The following TASP1 variants were observed in gnomAD, a reference collection of about 807,000 sequenced individuals.
The protein encoded by TASP1 is threonine aspartase 1.
Under a neutral mutation model 56.6 loss-of-function variants are expected in TASP1, and 16 were observed. The ratio of observed to expected loss-of-function variants is 0.28; its 90% CI spans 0.19 to 0.43. The LOEUF is 0.43. Among genes scored for constraint, TASP1 ranks in the 20% least tolerant of loss-of-function variants. TASP1 has a pLI of 1.00. For synonymous variants in TASP1, 179 were observed against 184.2 expected (o/e 0.97, Z 0.23); for missense variants, 393 against 511.6 (o/e 0.77, Z 2.24).
In TASP1 at chr20:13,528,433, C is replaced by G. The variant is rs35595639; in HGVS notation, c.874G>C (p.Gly292Arg). The G allele has an allele frequency of 6.2e-7, 1 of 1,606,198 alleles. No homozygotes were observed. The highest frequency in any genetic ancestry group is 1.1e-5 in the South Asian group (1 of 89,606). ...NPYSTAVSTS[G>R]CGEHLVRTIL... ...AAATGGTTATGAAAGCAGCAAATAC[C>G]TGAGGTACTCACAGCTGTGGAGTAG... Residue 292 changes from glycine to arginine, a missense_variant and splice_region_variant, in exon 10 of 14, where the codon GGA (glycine) becomes CGA (arginine). Gly to Arg is a moderately radical substitution (Grantham distance 125). Around this residue, in one of 3 missense-constraint regions of TASP1, gnomAD observed 293 missense variants for 354.2 expected, o/e 0.83. Coordinates refer to ENST00000337743, the MANE Select transcript of TASP1 (RefSeq NM_017714.3).
At chr20:13,453,005 G>A (rs1442921593) in intron 11 of TASP1, among the ~76,000 whole-genome samples, 1 of 152,086 alleles carries the variant, frequency 6.6e-6, no homozygotes, top group African/African-American at 2.4e-5. Flanking sequence ...TGGGAAAAGA[G>A]CCAACTGGGT....
At chr20:13,392,309 A>G (rs1388943932) in intron 13 of TASP1, among the ~76,000 whole-genome samples, 2 of 152,174 alleles carry the variant, frequency 1.3e-5, no homozygotes, top group Non-Finnish European at 2.9e-5. Flanking sequence ...TCTCTCTGTG[A>G]TACCATGTCT....
intron 13 of TASP1, among the ~76,000 whole-genome samples, chr20:13,403,655 C>T (rs1404760685): frequency 1.3e-5 from 2 of 152,204 alleles, no homozygotes; most frequent in Non-Finnish European, 2.9e-5. Context: ...CCCATGCTGT[C>T]AATCATTACA....
At chr20:13,553,583 C>T (rs2046053788) in intron 8 of TASP1, among the ~76,000 whole-genome samples, 1 of 152,044 alleles carries the variant, frequency 6.6e-6, no homozygotes, top group African/African-American at 2.4e-5. Flanking sequence ...ACAAAGATGC[C>T]AATTACCAAG....
intron 5 of TASP1, among the ~76,000 whole-genome samples, chr20:13,581,240 G>C (rs183172871): frequency 6.4e-4 from 98 of 152,192 alleles, no homozygotes; most frequent in African/African-American, 2.2e-3. Flanking sequence ...AGAAGCAAAG[G>C]CTGAATTGAA....
intron 10 of TASP1, among the ~76,000 whole-genome samples, chr20:13,510,956 T>A (rs1267517629): frequency 6.6e-6 from 1 of 152,142 alleles, no homozygotes; most frequent in African/African-American, 2.4e-5. Flanking sequence ...TACTCCCTTC[T>A]CCTTTCCAGA....
chr20:13,312,407 C>A, the TASP1 span, among the ~76,000 whole-genome samples: 2 of 152,190 alleles, frequency 1.3e-5, no homozygotes, highest in African/African-American at 4.8e-5. Flanking sequence ...CTCCTACCAG[C>A]CTTGCTGGTT....
At chr20:13,369,141 A>T in the TASP1 span, among the ~76,000 whole-genome samples, 1 of 152,186 alleles carries the variant, frequency 6.6e-6, no homozygotes, top group Non-Finnish European at 1.5e-5. Context: ...AAATTGAGAG[A>T]TGACCAATAA....
intron 6 of TASP1, among the ~76,000 whole-genome samples, chr20:13,577,652 G>A (rs1258414188): frequency 6.6e-6 from 1 of 152,086 alleles, no homozygotes; most frequent in African/African-American, 2.4e-5. Context: ...CTAGTGTAAG[G>A]ACACAGTGAG....
the TASP1 span, among the ~76,000 whole-genome samples, chr20:13,343,160 G>A: frequency 6.6e-6 from 1 of 152,118 alleles, no homozygotes; most frequent in Non-Finnish European, 1.5e-5. Context: ...TGGGTGAGTG[G>A]GCAAAATGAG....
chr20:13,348,801 T>C, the TASP1 span, among the ~76,000 whole-genome samples: 175 of 152,288 alleles, frequency 1.1e-3, 1 homozygote, highest in African/African-American at 3.8e-3. Context: ...GCCAGATTCA[T>C]ACGTAAGCTA....
intron 8 of TASP1, among the ~76,000 whole-genome samples, chr20:13,540,052 T>A (rs998934804): frequency 1.3e-5 from 2 of 152,188 alleles, no homozygotes; most frequent in African/African-American, 4.8e-5. Context: ...TCATTTCTAT[T>A]CTCACTCATA....
the TASP1 span, among the ~76,000 whole-genome samples, chr20:13,129,632 A>G: frequency 6.6e-6 from 1 of 152,370 alleles, no homozygotes; most frequent in South Asian, 2.1e-4. Flanking sequence ...TTTGGTCTAT[A>G]TGTCATCCGA....
intron 5 of TASP1, among the ~76,000 whole-genome samples, chr20:13,582,648 GA>G (rs1329784061): frequency 2.0e-5 from 3 of 152,206 alleles, no homozygotes; most frequent in Admixed American, 2.0e-4. Context: ...CTAAAGTTCA[GA>G]AACAAACACT....
chr20:13,114,653 C>T, the TASP1 span, among the ~76,000 whole-genome samples: 1 of 152,272 alleles, frequency 6.6e-6, no homozygotes, highest in South Asian at 2.1e-4. Context: ...ACCTGTATCT[C>T]TATGGTTTAA....
At chr20:13,390,495 G>T in intron 13 of TASP1, 43 bp from the exon 14 acceptor site, 1 of 1,580,174 alleles carries the variant, frequency 6.3e-7, no homozygotes, top group Non-Finnish European at 8.7e-7. Flanking sequence ...GGGGTCAGCG[G>T]TGTCCCTTGC....
chr20:13,313,436 A>T, the TASP1 span, among the ~76,000 whole-genome samples: 1 of 152,188 alleles, frequency 6.6e-6, no homozygotes, highest in African/African-American at 2.4e-5. Context: ...CTGTTCAAAT[A>T]AGGTAAACAC....
chr20:13,275,873 G>T, the TASP1 span, among the ~76,000 whole-genome samples: 1 of 152,264 alleles, frequency 6.6e-6, no homozygotes, highest in Admixed American at 6.5e-5. Flanking sequence ...TGTTTACCTC[G>T]GGACCTTGAA....
intron 10 of TASP1, among the ~76,000 whole-genome samples, chr20:13,503,710 C>G (rs1411804347): frequency 2.0e-5 from 3 of 151,126 alleles, no homozygotes; most frequent in African/African-American, 7.4e-5. Flanking sequence ...ATAGACAACA[C>G]AATAAAATCA....
Sources: allele counts gnomAD v4.1 joint callset (sites outside exome capture counted in the v4.1 genomes callset), GRCh38; gene constraint gnomAD v4.1.1; regional missense constraint gnomAD v4.1.1; transcripts MANE v1.5; gene names NCBI Gene and HGNC (gene_info 2026-07-23, HGNC 2026-07-21).